Variants in SLC4A7 observed in about 807,000 individuals in gnomAD.
SLC4A7 encodes the protein solute carrier family 4 member 7.
SLC4A7 carries 51 observed loss-of-function variants against 137.6 expected under a neutral mutation model. The observed-to-expected ratio is 0.37, with a 90% CI of 0.30 to 0.47. SLC4A7 has a LOEUF of 0.47. Among genes scored for constraint, SLC4A7 ranks in the 20% least tolerant of loss-of-function variants. The pLI, the probability that SLC4A7 is intolerant of heterozygous loss-of-function variation, is 1.00. For synonymous variants in SLC4A7, 542 were observed against 518.6 expected, an observed-to-expected ratio of 1.05 and a Z score of -0.61; for missense variants, 1,247 against 1,525.4, an observed-to-expected ratio of 0.82 and a Z score of 3.04.
intron 1 of SLC4A7, among the ~76,000 whole-genome samples, chr3:27,481,543 AT>A (rs2059707045): frequency 6.6e-6 from 1 of 152,168 alleles, no homozygotes; most frequent in Admixed American, 6.5e-5. Context: ...TACGACTTTT[AT>A]TTACCAAAAC....
intron 11 of SLC4A7, among the ~76,000 whole-genome samples, chr3:27,413,521 A>G (rs1406028250): frequency 6.6e-6 from 1 of 152,204 alleles, no homozygotes. Flanking sequence ...CTACCACTTT[A>G]AAGTCCAAAC....
In SLC4A7 at chr3:27,431,496, T is replaced by G; in HGVS notation, c.952A>C (p.Ser318Arg). ...CTGATGCTAGGGCTAGAAGGAGGAC[T>G]GTTTTGAGGGGTGGGTACTGGGGTT... Reference protein sequence around the residue: ...CTTPVPTPQNSPPSSPSISRL... With the variant: ...CTTPVPTPQNRPPSSPSISRL... Residue 318 changes from serine to arginine, a missense_variant, in exon 7 of 26, where the codon AGT becomes CGT. Ser to Arg is a moderately radical substitution (Grantham distance 110, BLOSUM62 -1). Around this residue, in one of 6 missense-constraint regions of SLC4A7, gnomAD observed 223 missense variants for 203.6 expected, o/e 1.10. Coordinates refer to ENST00000454389, the MANE Select transcript of SLC4A7 (RefSeq NM_001321103.2). The G allele has an allele frequency of 6.2e-7, 1 of 1,614,106 alleles. No homozygotes were observed. The highest frequency in any genetic ancestry group is 2.2e-5 in the East Asian group (1 of 44,876).
rs2050899534 is a variant in SLC4A7 at position 27,385,962 on chromosome 3, C to G, written c.3422G>C (p.Ser1141Thr). ...MDLCFTKREL[S>T]WLDDLMPESK... ...TTCTGGCATAAGATCATCAAGCCAA[C>G]TAAGTTCTCTCTTCGTGAAACACAG... Residue 1141 changes from serine to threonine, a missense_variant, in exon 23 of 26, where the codon AGT becomes ACT. This residue lies in a region of SLC4A7 where 290 missense variants were observed against 323.8 expected (regional missense o/e 0.90). Transcript: ENST00000454389. 1.2e-6 allele frequency: 2 copies of G among 1,607,774 alleles called. No homozygotes were observed. The highest frequency in any genetic ancestry group is 1.7e-6 in the Non-Finnish European group (2 of 1,175,814).
At chr3:27,424,420 TG>T (rs1316391617) in intron 7 of SLC4A7, 1 of 264,182 alleles carries the variant, frequency 3.8e-6, no homozygotes, top group African/African-American at 2.2e-5. Flanking sequence ...AAACGTGAGT[TG>T]GTGTGAACCA....
chr3:27,466,569 T>G (rs1041589100), intron 1 of SLC4A7, among the ~76,000 whole-genome samples: 1 of 152,216 alleles, frequency 6.6e-6, no homozygotes, highest in Non-Finnish European at 1.5e-5. Context: ...GATTCACACC[T>G]GTAATCCCAG....
At chr3:27,409,876 C>T (rs2150207770) in intron 12 of SLC4A7, among the ~76,000 whole-genome samples, 1 of 152,282 alleles carries the variant, frequency 6.6e-6, no homozygotes, top group African/African-American at 2.4e-5. Context: ...TGAAAATGTG[C>T]ATAAGCAATT....
Position 27,484,073 on chromosome 3 carries a change from C to A in SLC4A7, c.54G>T (p.Thr18=). ...ACCGCCGCGGCGCCCTCACCCTGCT[C>A]GTTACCCGGGTGAGTAGCGGTCTCA... ...EQMRPLLTRV[T]SRGPDEEAVV... is the part of the protein sequence containing the mutation. The change falls in exon 1 of 26, where the codon ACG becomes ACT. Residue 18 remains threonine, a synonymous_variant. Coordinates refer to ENST00000454389, the MANE Select transcript of SLC4A7 (RefSeq NM_001321103.2). The A allele has an allele frequency of 7.1e-7, 1 of 1,410,090 alleles. No individual in the cohort carries two copies. The highest frequency in any genetic ancestry group is 9.3e-7 in the Non-Finnish European group (1 of 1,078,118). 87.3% of individuals were successfully genotyped at this position (1,410,090 alleles called of 1,614,324 possible). A position where few individuals can be genotyped will look rare whatever the true frequency, so the allele number is the denominator to read the frequency against.
At chr3:27,463,547 T>TA (rs1462444921) in intron 1 of SLC4A7, among the ~76,000 whole-genome samples, 15 of 151,248 alleles carry the variant, frequency 9.9e-5, no homozygotes, top group Admixed American at 3.9e-4. Flanking sequence ...CCTCAAAAAA[T>TA]AAAAAATAAA....
In SLC4A7 at chr3:27,394,695, T is replaced by C. The variant is rs1459176751; in HGVS notation, c.2940A>G (p.Pro980=). Residue 980 remains proline (P), a synonymous_variant, in exon 20 of 26, where the codon CCA becomes CCG. Transcript: ENST00000454389. Reference sequence around the variant, plus strand: ...ACAACACTGTTGCAGCCACAAACCATGGAAGTCCCATGACAGAGCAAACTC... The same window carrying C: ...ACAACACTGTTGCAGCCACAAACCACGGAAGTCCCATGACAGAGCAAACTC... ...MLGVCSVMGL[P]WFVAATVLSI... 3 of 1,614,032 alleles carry C rather than the reference T, an allele frequency of 1.9e-6. No individual in the cohort carries two copies. Among genetic ancestry groups the C allele is most frequent in the Non-Finnish European group, 2.5e-6 (3 of 1,180,022 alleles).
In SLC4A7 at chr3:27,431,665, T is replaced by A. The variant is rs73824931; in HGVS notation, c.783A>T (p.Glu261Asp). ...AAGAGTGGCGGGAGGCTGAAAGGCC[T>A]TCCCCTGAGATAAAACAAATAAATG... ...SDPHLLERNG[E>D]GLSASRHSLR... Residue 261 changes from glutamate (E) to aspartate (D), a missense_variant, in exon 7 of 26, where the codon GAA becomes GAT. Glu to Asp is a conservative substitution (Grantham distance 45). Coordinates refer to ENST00000454389, the MANE Select transcript of SLC4A7 (RefSeq NM_001321103.2). 5.6e-3 allele frequency: 8,748 copies of A among 1,552,192 alleles called. 442 individuals are homozygous for A. The African/African-American group carries it at 0.11, about 19-fold the overall frequency.
chr3:27,413,885 T>C (rs976248822), intron 11 of SLC4A7, among the ~76,000 whole-genome samples: 1 of 152,084 alleles, frequency 6.6e-6, no homozygotes, highest in Non-Finnish European at 1.5e-5. Context: ...AACAATTACA[T>C]GTATAAGATT....
At chr3:27,477,832 C>T (rs2059528440) in intron 1 of SLC4A7, among the ~76,000 whole-genome samples, 1 of 152,020 alleles carries the variant, frequency 6.6e-6, no homozygotes, top group Non-Finnish European at 1.5e-5. Flanking sequence ...CCAGACTGGT[C>T]TCGAACTCCT....
chr3:27,468,932 T>G (rs2059122721), intron 1 of SLC4A7, among the ~76,000 whole-genome samples: 1 of 151,762 alleles, frequency 6.6e-6, no homozygotes, highest in African/African-American at 2.4e-5. Flanking sequence ...TCACGCAAAA[T>G]GCTGTCTCTA....
intron 22 of SLC4A7, among the ~76,000 whole-genome samples, chr3:27,388,806 A>T (rs541843813): frequency 4.6e-5 from 7 of 152,276 alleles, no homozygotes; most frequent in South Asian, 2.1e-4. Context: ...CTATATTTTT[A>T]AAATTATTTT....
chr3:27,465,010 C>T (rs1482076321), intron 1 of SLC4A7, among the ~76,000 whole-genome samples: 2 of 151,988 alleles, frequency 1.3e-5, no homozygotes, highest in Non-Finnish European at 2.9e-5. Flanking sequence ...TAATCTTTCC[C>T]GGCCGTGTGA....
intron 16 of SLC4A7, among the ~76,000 whole-genome samples, chr3:27,399,053 C>T (rs1322998247): frequency 1.3e-5 from 2 of 149,578 alleles, no homozygotes; most frequent in Non-Finnish European, 3.0e-5. Context: ...AATAGAAGCA[C>T]ATGCCACTAA....
At chr3:27,452,089 T>C (rs1306493083) in intron 2 of SLC4A7, among the ~76,000 whole-genome samples, 1 of 152,132 alleles carries the variant, frequency 6.6e-6, no homozygotes, top group Non-Finnish European at 1.5e-5. Context: ...AACTGTGGTT[T>C]ATTAGTCTGG....
chr3:27,445,849 T>C (rs1355788881), intron 3 of SLC4A7, among the ~76,000 whole-genome samples: 1 of 142,770 alleles, frequency 7.0e-6, no homozygotes, highest in Non-Finnish European at 1.5e-5. Flanking sequence ...GGAGAATTGC[T>C]TGAACCTGGG....
chr3:27,468,983 T>C (rs2059125274), intron 1 of SLC4A7, among the ~76,000 whole-genome samples: 1 of 152,054 alleles, frequency 6.6e-6, no homozygotes, highest in Non-Finnish European at 1.5e-5. Context: ...GGCACACACC[T>C]GTAATCCCAG....
Sources: gnomAD v4.1 joint callset for allele counts (sites outside exome capture counted in the v4.1 genomes callset) on GRCh38, gnomAD v4.1.1 for gene constraint, gnomAD v4.1.1 regional missense constraint, MANE v1.5 for transcripts, NCBI Gene and HGNC (gene_info 2026-07-23, HGNC 2026-07-21) for gene names.